The following PPP2R2C variants were observed in gnomAD, a reference collection of about 807,000 sequenced individuals.
PPP2R2C encodes protein phosphatase 2, regulatory subunit B, gamma.
A neutral mutation model predicts 45.3 loss-of-function variants in PPP2R2C; 10 were observed. The observed-to-expected ratio is 0.22, with a 90% confidence interval of 0.14 to 0.37. The LOEUF (loss-of-function observed/expected upper bound fraction) is 0.37, where lower values mean the gene tolerates loss of function less well. Among genes scored for constraint, PPP2R2C ranks in the 10% least tolerant of loss-of-function variants. The pLI, the probability that PPP2R2C is intolerant of heterozygous loss-of-function variation, is 1.00. For missense variants in PPP2R2C, 308 were observed against 619.7 expected (o/e 0.50, Z 5.34); for synonymous variants, 257 against 245.4 (o/e 1.05, Z -0.44).
chr4:6,500,810 C>A (rs1330246485), intron 2 of PPP2R2C, among the ~76,000 whole-genome samples: 1 of 152,214 alleles, frequency 6.6e-6, no homozygotes. Context: ...ACAAATTGCT[C>A]TAATCTGAGG....
At chr4:6,469,887 C>G (rs74988651) in intron 1 of PPP2R2C, among the ~76,000 whole-genome samples, 2 of 152,154 alleles carry the variant, frequency 1.3e-5, no homozygotes, top group Admixed American at 6.5e-5. Flanking sequence ...TCTCTGCATC[C>G]GCAGCACCTG....
rs191382108 is a variant in PPP2R2C, at chr4:6,364,247, G to A, written c.625+8276C>T. On this transcript the variant is annotated intron_variant, in intron 5 of 8. Transcript: ENST00000382599. The surrounding 1 kb of genome is among the most constrained non-coding windows in gnomAD (Gnocchi z 5.3). ...ATGAGGATGGAGAAACTTCACAGGC[G>A]GAGGGAACAGCCAGTGCAAAATGGC... Among the ~76,000 whole-genome samples the A allele has an allele frequency of 1.2e-4, 18 of 152,290 alleles. No homozygotes were observed. The highest frequency in any genetic ancestry group is 8.5e-4 in the Admixed American group (13 of 15,308).
chr4:6,560,258 G>T (rs947042828), intron 1 of PPP2R2C, among the ~76,000 whole-genome samples: 1 of 152,270 alleles, frequency 6.6e-6, no homozygotes, highest in Non-Finnish European at 1.5e-5. Context: ...CAGGCTCTTG[G>T]CTACCAGACT....
At chr4:6,432,474 C>A (rs1452076752) in intron 1 of PPP2R2C, among the ~76,000 whole-genome samples, 5 of 152,188 alleles carry the variant, frequency 3.3e-5, no homozygotes, top group African/African-American at 1.2e-4. Flanking sequence ...CCCCTCTACT[C>A]CAGCACCTTC....
intron 1 of PPP2R2C, among the ~76,000 whole-genome samples, chr4:6,408,583 G>A (rs1027865552): frequency 3.9e-5 from 6 of 152,214 alleles, no homozygotes; most frequent in Non-Finnish European, 5.9e-5. Flanking sequence ...ATAATCCAGA[G>A]CAGGCGAGTG....
At chr4:6,399,684 A>G (rs1459084994) in intron 1 of PPP2R2C, among the ~76,000 whole-genome samples, 4 of 151,924 alleles carry the variant, frequency 2.6e-5, no homozygotes, top group African/African-American at 9.7e-5. Context: ...AAGGCTGCCC[A>G]CCTCCATGGA....
intron 1 of PPP2R2C, among the ~76,000 whole-genome samples, chr4:6,407,998 T>A (rs1293097741): frequency 6.6e-6 from 1 of 152,214 alleles, no homozygotes; most frequent in Non-Finnish European, 1.5e-5. Context: ...TTAGATTGAT[T>A]ACAGTTTATA....
At chr4:6,356,593 G>C (rs538001524) in intron 5 of PPP2R2C, among the ~76,000 whole-genome samples, 14 of 152,360 alleles carry the variant, frequency 9.2e-5, no homozygotes, top group African/African-American at 3.4e-4. Context: ...CTTCAGAAGG[G>C]CAATTGCACT....
At chr4:6,548,267 C>A (rs1426529584) in intron 1 of PPP2R2C, among the ~76,000 whole-genome samples, 2 of 152,100 alleles carry the variant, frequency 1.3e-5, no homozygotes, top group African/African-American at 2.4e-5. Context: ...GGGGCACAAC[C>A]ACACCTGTTA....
chr4:6,347,297 T>C (rs1419825662), intron 6 of PPP2R2C, among the ~76,000 whole-genome samples: 2 of 152,124 alleles, frequency 1.3e-5, no homozygotes, highest in Admixed American at 6.5e-5. Context: ...TGTCACAAAA[T>C]GTCCCCTGGA....
At chr4:6,512,101 G>A (rs1239382406) in intron 2 of PPP2R2C, among the ~76,000 whole-genome samples, 7 of 54,636 alleles carry the variant, frequency 1.3e-4, no homozygotes, top group Admixed American at 2.0e-4. Flanking sequence ...GGTGGTGGTG[G>A]TGGTGGTGGT....
At chr4:6,344,370 A>T (rs1711623506) in intron 6 of PPP2R2C, among the ~76,000 whole-genome samples, 3 of 152,242 alleles carry the variant, frequency 2.0e-5, no homozygotes, top group Non-Finnish European at 4.4e-5. Flanking sequence ...ATCATCAGGC[A>T]TATGAAATTA....
At position 6,366,452 on chromosome 4, in the gene PPP2R2C, G is replaced by A. The variant is rs563796129; in HGVS notation, c.625+6071C>T. On this transcript the variant is annotated intron_variant, in intron 5 of 8. Transcript: ENST00000382599. Reference sequence around the variant, plus strand: ...CAACCGTTCATAAGTACCTCCTATCGCCAAGTCCTATGTGGAGCAGGGGAT... The same window carrying A: ...CAACCGTTCATAAGTACCTCCTATCACCAAGTCCTATGTGGAGCAGGGGAT... 3.0e-4 allele frequency among the ~76,000 whole-genome samples: 45 copies of A among 152,292 alleles called. No individual in the cohort carries two copies. The South Asian group carries it at 4.1e-3, about 14-fold the overall frequency.
chr4:6,511,138 C>T (rs1723436058), intron 2 of PPP2R2C, among the ~76,000 whole-genome samples: 1 of 152,206 alleles, frequency 6.6e-6, no homozygotes, highest in Admixed American at 6.5e-5. Flanking sequence ...TAATAATCGC[C>T]CATTGCATGC....
chr4:6,549,874 G>A lies in PPP2R2C; in HGVS notation c.-59+13686C>T, dbSNP rs534782281. ...GCAGCTGTAACGAACGTTATTTCTC[G>A]AGACTCAGTTCCCAGGTGAATATCT... On this transcript the variant is annotated intron_variant, in intron 1 of 9. Transcript: ENST00000506140. Among the ~76,000 whole-genome samples, 8 of 152,312 alleles carry A rather than the reference G, an allele frequency of 5.3e-5. No individual in the cohort carries two copies. In the East Asian group the frequency reaches 1.2e-3, roughly 22 times the overall value.
chr4:6,433,854 G>A (rs1164415472), intron 1 of PPP2R2C, among the ~76,000 whole-genome samples: 1 of 152,204 alleles, frequency 6.6e-6, no homozygotes, highest in East Asian at 1.9e-4. Flanking sequence ...CCCAGTCAGG[G>A]TTCGAACTCG....
chr4:6,502,901 A>T (rs1427631543), intron 2 of PPP2R2C, among the ~76,000 whole-genome samples: 2 of 152,036 alleles, frequency 1.3e-5, no homozygotes, highest in African/African-American at 4.8e-5. Flanking sequence ...CTCTGCCTTC[A>T]AACAGTATCC....
intron 1 of PPP2R2C, among the ~76,000 whole-genome samples, chr4:6,451,516 G>A (rs1420138349): frequency 2.0e-5 from 3 of 152,194 alleles, no homozygotes; most frequent in South Asian, 2.1e-4. Context: ...CAGCCAGCGC[G>A]GGCTGGGGTC....
At chr4:6,410,756 T>C (rs1718116512) in intron 1 of PPP2R2C, among the ~76,000 whole-genome samples, 1 of 152,124 alleles carries the variant, frequency 6.6e-6, no homozygotes. Context: ...CTCAGAAACG[T>C]GTGCAGCGCC....
Sources: gnomAD v4.1 joint callset for allele counts (sites outside exome capture counted in the v4.1 genomes callset) on GRCh38, gnomAD v4.1.1 for gene constraint, Gnocchi (gnomAD v3.1) non-coding constraint, MANE v1.5 for transcripts, NCBI Gene and HGNC (gene_info 2026-07-23, HGNC 2026-07-21) for gene names.